Variants in PRKG1 observed in about 807,000 individuals in gnomAD.
PRKG1 encodes the protein cGMP-dependent protein kinase 1.
Under a neutral mutation model 88.1 loss-of-function variants are expected in PRKG1, and 35 were observed. That is an observed-to-expected ratio of 0.40 (90% CI 0.30 to 0.53). PRKG1 has a LOEUF of 0.53. Among genes scored for constraint, PRKG1 ranks in the 20% least tolerant of loss-of-function variants. The pLI, the probability that PRKG1 is intolerant of heterozygous loss-of-function variation, is 0.59. For missense variants in PRKG1, 540 were observed against 839.8 expected (o/e 0.64, Z 4.41); for synonymous variants, 303 against 292.5 (o/e 1.04, Z -0.37).
At chr10:52,064,152 C>A (rs1846302084) in intron 7 of PRKG1, among the ~76,000 whole-genome samples, 1 of 152,200 alleles carries the variant, frequency 6.6e-6, no homozygotes, top group African/African-American at 2.4e-5. Flanking sequence ...GACACCCAGG[C>A]TGTAGGTGCC....
chr10:51,206,993 G>A (rs1838079534), intron 2 of PRKG1, among the ~76,000 whole-genome samples: 1 of 152,002 alleles, frequency 6.6e-6, no homozygotes, highest in African/African-American at 2.4e-5. Context: ...TTTTTAAATT[G>A]TAGTTTGCAG....
chr10:51,388,175 G>A lies in PRKG1; in HGVS notation c.479-79548G>A, dbSNP rs1015493505. 2.0e-5 allele frequency among the ~76,000 whole-genome samples: 3 copies of A among 151,982 alleles called. No individual in the cohort carries two copies. The South Asian group carries it at 6.2e-4, about 32-fold the overall frequency. On this transcript the variant is annotated intron_variant, in intron 2 of 17. Transcript: ENST00000373980. ...TTACTATGAGTTGGTGTTTTGAATTGGGACACTTTCTTTTCATTAGTAATG... is the reference window on the plus strand; with the variant it reads ...TTACTATGAGTTGGTGTTTTGAATTAGGACACTTTCTTTTCATTAGTAATG...
intron 1 of PRKG1, among the ~76,000 whole-genome samples, chr10:51,122,406 C>A (rs1360552383): frequency 1.3e-5 from 2 of 152,158 alleles, no homozygotes; most frequent in Non-Finnish European, 2.9e-5. Flanking sequence ...CTAGTCCTAA[C>A]TTTTCCAGAT....
chr10:51,334,170 C>CTCTCTG (rs1373782482), intron 2 of PRKG1, among the ~76,000 whole-genome samples: 1 of 149,070 alleles, frequency 6.7e-6, no homozygotes, highest in Non-Finnish European at 1.5e-5. Flanking sequence ...CTCTCTCTCT[C>CTCTCTG]TCTCTCTCTC....
chr10:51,325,575 C>G lies in PRKG1; in HGVS notation c.479-142148C>G, dbSNP rs761483178. Among the ~76,000 whole-genome samples, 4 of 152,258 alleles carry G rather than the reference C, an allele frequency of 2.6e-5. No individual in the cohort carries two copies. The South Asian group carries it at 8.3e-4, about 32-fold the overall frequency. ...TCTTCGATACTGTAGGTTTTCTCTTCGCTTTGTTGTTTCATTTGCTATGCA... is the reference window on the plus strand; with the variant it reads ...TCTTCGATACTGTAGGTTTTCTCTTGGCTTTGTTGTTTCATTTGCTATGCA... On this transcript the variant is annotated intron_variant, in intron 2 of 17. Transcript: ENST00000373980.
chr10:52,293,734 C>G, intron 17 of PRKG1, 68 bp from the exon 18 acceptor site: 3 of 1,313,674 alleles, frequency 2.3e-6, no homozygotes, highest in Admixed American at 1.7e-5. Flanking sequence ...ACAGAATGCA[C>G]TTAAAAATTC....
At chr10:51,241,300 T>G (rs1390901791) in intron 2 of PRKG1, among the ~76,000 whole-genome samples, 1 of 148,550 alleles carries the variant, frequency 6.7e-6, no homozygotes, top group Non-Finnish European at 1.5e-5. Flanking sequence ...GCTCATTTGC[T>G]CCAATCCAAA....
intron 2 of PRKG1, among the ~76,000 whole-genome samples, chr10:51,157,055 T>A (rs796549596): frequency 2.7e-4 from 41 of 152,032 alleles, no homozygotes; most frequent in African/African-American, 9.4e-4. Flanking sequence ...CTTACATATT[T>A]TTTTTTGTTT....
intron 1 of PRKG1, among the ~76,000 whole-genome samples, chr10:51,040,201 T>C (rs1843401326): frequency 6.7e-6 from 1 of 149,824 alleles, no homozygotes; most frequent in Admixed American, 6.7e-5. Context: ...ATTCTTTCAG[T>C]CCATGAACAC....
chr10:52,294,031 A>C lies in PRKG1; in HGVS notation c.*131A>C, dbSNP rs548598995. On this transcript the variant is annotated 3_prime_UTR_variant, in exon 18 of 18. Transcript: ENST00000373980. ...TGATGCCTTTGATCGATGCTGCTCC[A>C]GTAACTACAGTGGCATTAGGACTTA... The C allele has an allele frequency of 4.3e-5, 29 of 668,458 alleles. No individual in the cohort carries two copies. In the South Asian group the frequency reaches 5.5e-4, roughly 13 times the overall value. The allele number at this position is 668,458 out of a possible 1,614,324, so 41.4% of individuals were successfully genotyped here.
At chr10:51,328,257 C>T (rs1212538303) in intron 2 of PRKG1, among the ~76,000 whole-genome samples, 1 of 152,168 alleles carries the variant, frequency 6.6e-6, no homozygotes, top group African/African-American at 2.4e-5. Flanking sequence ...GCTTATTTCA[C>T]TTAACGTGAT....
intron 3 of PRKG1, among the ~76,000 whole-genome samples, chr10:51,750,041 T>C (rs1387460230): frequency 1.3e-5 from 2 of 151,686 alleles, no homozygotes; most frequent in Non-Finnish European, 2.9e-5. Flanking sequence ...GTTTAAGCGA[T>C]TCTCCTGTCT....
intron 2 of PRKG1, among the ~76,000 whole-genome samples, chr10:51,463,382 A>G (rs866333762): frequency 1.3e-5 from 2 of 152,128 alleles, no homozygotes; most frequent in African/African-American, 4.8e-5. Context: ...CATTTTCCCT[A>G]TTTGTTTTAC....
chr10:51,541,306 TCACTCATCTTC>T (rs999683047), intron 3 of PRKG1, among the ~76,000 whole-genome samples: 1 of 152,180 alleles, frequency 6.6e-6, no homozygotes, highest in Non-Finnish European at 1.5e-5. Context: ...GTGTTAACGC[TCACTCATCTTC>T]CACTCATCTC....
chr10:51,561,204 A>G (rs1837451697), intron 3 of PRKG1, among the ~76,000 whole-genome samples: 1 of 152,116 alleles, frequency 6.6e-6, no homozygotes, highest in Non-Finnish European at 1.5e-5. Flanking sequence ...ATAGTCCCAG[A>G]TATGCTGGAG....
intron 3 of PRKG1, among the ~76,000 whole-genome samples, chr10:51,729,706 C>CAAAAAA (rs34900286): frequency 2.1e-4 from 6 of 28,776 alleles, no homozygotes; most frequent in Admixed American, 8.4e-4. Flanking sequence ...GACTCCATCT[C>CAAAAAA]AAAAAAAAAA....
chr10:52,008,345 T>G lies in PRKG1; in HGVS notation c.763-46139T>G, dbSNP rs117616393. ...TACATCAACAGATGTAGGTGTTGGT[T>G]TTTTGAAAAAATTAATAAGATAGAC... On this transcript the variant is annotated intron_variant, in intron 5 of 17. Transcript: ENST00000373980. Among the ~76,000 whole-genome samples the G allele has an allele frequency of 1.6e-4, 24 of 152,180 alleles. 1 individual carries two copies. The East Asian group carries it at 4.6e-3, about 29-fold the overall frequency.
At chr10:51,149,373 C>A (rs1433612552) in intron 1 of PRKG1, among the ~76,000 whole-genome samples, 1 of 151,946 alleles carries the variant, frequency 6.6e-6, no homozygotes, top group African/African-American at 2.4e-5. Context: ...GTGCTGGCTC[C>A]CTTATTTGAG....
intron 7 of PRKG1, among the ~76,000 whole-genome samples, chr10:52,083,438 C>G (rs1846830642): frequency 1.3e-5 from 2 of 151,966 alleles, no homozygotes; most frequent in Non-Finnish European, 2.9e-5. Context: ...CAAAACAAAA[C>G]ATAACAAAAC....
Sources: allele counts gnomAD v4.1 joint callset (sites outside exome capture counted in the v4.1 genomes callset), GRCh38; gene constraint gnomAD v4.1.1; transcripts MANE v1.5; gene names NCBI Gene and HGNC (gene_info 2026-07-23, HGNC 2026-07-21).